MAPK4: variants seen among roughly 807,000 people sequenced by gnomAD.
MAPK4 encodes Erk3-related.
In MAPK4, 22 loss-of-function variants were observed where a neutral mutation model predicts 47.7. That is an observed-to-expected ratio of 0.46 (90% CI 0.33 to 0.66). The LOEUF (loss-of-function observed/expected upper bound fraction) is 0.66, where lower values mean the gene tolerates loss of function less well. Among genes scored for constraint, MAPK4 ranks in the 30% least tolerant of loss-of-function variants. The pLI is 0.02. For synonymous variants in MAPK4, 390 were observed against 365.7 expected, an observed-to-expected ratio of 1.07 and a Z score of -0.76; for missense variants, 736 against 831.7, an observed-to-expected ratio of 0.88 and a Z score of 1.42.
At chr18:50,602,985 A>T (rs1394838917) in intron 1 of MAPK4, among the ~76,000 whole-genome samples, 1 of 152,184 alleles carries the variant, frequency 6.6e-6, no homozygotes, top group African/African-American at 2.4e-5. Context: ...AAAACTGCTC[A>T]CATGACTGTG....
At chr18:50,707,784 C>T (rs1343901763) in intron 2 of MAPK4, among the ~76,000 whole-genome samples, 1 of 151,900 alleles carries the variant, frequency 6.6e-6, no homozygotes, top group Non-Finnish European at 1.5e-5. Context: ...CTGGAGTGTC[C>T]AACAAGGGCC....
intron 1 of MAPK4, among the ~76,000 whole-genome samples, chr18:50,568,270 T>A (rs990571077): frequency 6.6e-6 from 1 of 152,138 alleles, no homozygotes; most frequent in Non-Finnish European, 1.5e-5. Flanking sequence ...ACATCTTCAG[T>A]TCCATGTTTC....
intron 1 of MAPK4, among the ~76,000 whole-genome samples, chr18:50,606,498 C>T (rs560198319): frequency 6.6e-6 from 1 of 152,228 alleles, no homozygotes; most frequent in South Asian, 2.1e-4. Context: ...CTATTGGTAG[C>T]CTGGGATGAC....
At chr18:50,564,217 C>A (rs542120798) in intron 1 of MAPK4, among the ~76,000 whole-genome samples, 10 of 152,190 alleles carry the variant, frequency 6.6e-5, no homozygotes, top group Non-Finnish European at 1.5e-4. Context: ...AAAGCTTTAT[C>A]GTTTGCAGGG....
In MAPK4 at chr18:50,664,115, C is replaced by T; in HGVS notation, c.157C>T (p.Leu53=). Residue 53 remains leucine (L), a synonymous_variant, in exon 2 of 6, where the codon CTG becomes TTG. Coordinates refer to ENST00000400384, the MANE Select transcript of MAPK4 (RefSeq NM_002747.4). This position sits in a 1 kb window ranked among gnomAD's most constrained non-coding sequence, Gnocchi z 6.0. ...GAAGGTCGCTGTGAAGAAGATTGCC[C>T]TGAGCGATGCCCGCAGCATGAAGCA... The part of the protein sequence containing the change: ...CRKVAVKKIA[L]SDARSMKHAL... 1 of 1,614,120 alleles carries T rather than the reference C, an allele frequency of 6.2e-7. No homozygotes were observed. The highest frequency in any genetic ancestry group is 8.5e-7 in the Non-Finnish European group (1 of 1,180,036).
intron 1 of MAPK4, among the ~76,000 whole-genome samples, chr18:50,569,239 A>G (rs2042229208): frequency 1.3e-5 from 2 of 152,184 alleles, no homozygotes; most frequent in African/African-American, 4.8e-5. Flanking sequence ...TGAAATCAGT[A>G]TGTGTTTTAT....
At chr18:50,594,287 G>T (rs2042463412) in intron 1 of MAPK4, among the ~76,000 whole-genome samples, 1 of 152,116 alleles carries the variant, frequency 6.6e-6, no homozygotes. Flanking sequence ...AGTCTCCTCT[G>T]GCAACACCCT....
Position 50,729,623 on chromosome 18 carries a change from C to A in MAPK4, c.1533C>A (p.Ala511=). ...GCCCAGAGCACGCCAGCCCGCCCGC[C>A]GACGACCCCGAGCGCCGCTTGTCTG... ...QGGPEHASPP[A]DDPERRLSAS... Residue 511 remains alanine, a synonymous_variant, in exon 6 of 6, where the codon GCC becomes GCA. Transcript: ENST00000400384. 1 of 1,390,278 alleles carries A rather than the reference C, an allele frequency of 7.2e-7. No individual in the cohort carries two copies. The highest frequency in any genetic ancestry group is 9.3e-7 in the Non-Finnish European group (1 of 1,074,440). 86.1% of individuals were successfully genotyped at this position (1,390,278 alleles called of 1,614,324 possible).
intron 3 of MAPK4, among the ~76,000 whole-genome samples, chr18:50,721,243 T>C (rs1239000423): frequency 3.9e-5 from 6 of 152,162 alleles, no homozygotes; most frequent in Non-Finnish European, 2.9e-5. Flanking sequence ...TTCTTATGAA[T>C]GAAAACTATG....
chr18:50,630,314 G>C (rs556221965), intron 1 of MAPK4, among the ~76,000 whole-genome samples: 2 of 152,284 alleles, frequency 1.3e-5, no homozygotes, highest in African/African-American at 4.8e-5. Context: ...TCAGCTTCCT[G>C]AGTAGCTGGG....
chr18:50,662,483 C>T (rs960127229), intron 1 of MAPK4, among the ~76,000 whole-genome samples: 1 of 152,222 alleles, frequency 6.6e-6, no homozygotes, highest in Non-Finnish European at 1.5e-5. Context: ...ACCCTGGTTT[C>T]TGGGCAAAGA....
At chr18:50,679,799 GGGCCCCACTGTGAGCA>G (rs2144310818) in intron 2 of MAPK4, among the ~76,000 whole-genome samples, 1 of 152,254 alleles carries the variant, frequency 6.6e-6, no homozygotes, top group Non-Finnish European at 1.5e-5. Context: ...TGACCTCCCT[GGGCCCCACTGTGAGCA>G]GAGATGGGGC....
intron 2 of MAPK4, among the ~76,000 whole-genome samples, chr18:50,675,033 T>C (rs1254373146): frequency 6.6e-6 from 1 of 152,212 alleles, no homozygotes; most frequent in Non-Finnish European, 1.5e-5. Flanking sequence ...CAGGTACTCT[T>C]CTAAGTGCTT....
intron 1 of MAPK4, among the ~76,000 whole-genome samples, chr18:50,638,130 T>C (rs2042904096): frequency 6.6e-6 from 1 of 152,214 alleles, no homozygotes; most frequent in African/African-American, 2.4e-5. Context: ...TATTCCTGGC[T>C]AATGATGAGA....
intron 1 of MAPK4, among the ~76,000 whole-genome samples, chr18:50,583,621 T>G (rs1454394052): frequency 6.6e-6 from 1 of 152,134 alleles, no homozygotes; most frequent in African/African-American, 2.4e-5. Context: ...AAGGAACCAA[T>G]TGATAGAGAG....
chr18:50,676,602 T>G (rs1349996428), intron 2 of MAPK4, among the ~76,000 whole-genome samples: 1 of 152,220 alleles, frequency 6.6e-6, no homozygotes, highest in Non-Finnish European at 1.5e-5. Flanking sequence ...GTAACAGTTT[T>G]AATTCCTAGA....
intron 1 of MAPK4, among the ~76,000 whole-genome samples, chr18:50,578,246 T>C (rs540572680): frequency 2.0e-5 from 3 of 152,324 alleles, no homozygotes; most frequent in African/African-American, 4.8e-5. Context: ...AGAGAGTTCA[T>C]TGAAGCTGCT....
At chr18:50,703,249 C>T (rs1909882126) in intron 2 of MAPK4, among the ~76,000 whole-genome samples, 1 of 152,172 alleles carries the variant, frequency 6.6e-6, no homozygotes. Context: ...GCAGTGGTCT[C>T]AGTGCTACTC....
chr18:50,663,826 C>A lies in MAPK4; in HGVS notation c.-133C>A. On this transcript the variant is annotated 5_prime_UTR_variant, in exon 2 of 6. Transcript: ENST00000400384. ...TCCAGAGAGCTGGTGGCAGTGACCTCACTAGGAGAAAACACATCCCTCAGC... is the reference window on the plus strand; with the variant it reads ...TCCAGAGAGCTGGTGGCAGTGACCTAACTAGGAGAAAACACATCCCTCAGC... 1 of 732,112 alleles carries A rather than the reference C, an allele frequency of 1.4e-6. No individual in the cohort carries two copies. The highest frequency in any genetic ancestry group is 2.6e-5 in the East Asian group (1 of 37,748). The allele number at this position is 732,112 out of a possible 1,614,324, so 45.4% of individuals were successfully genotyped here.
Sources: gnomAD v4.1 joint callset for allele counts (sites outside exome capture counted in the v4.1 genomes callset) on GRCh38, gnomAD v4.1.1 for gene constraint, Gnocchi (gnomAD v3.1) non-coding constraint, MANE v1.5 for transcripts, NCBI Gene and HGNC (gene_info 2026-07-23, HGNC 2026-07-21) for gene names.